KCNQ1: variants seen among roughly 807,000 people sequenced by gnomAD.
KCNQ1 encodes the protein potassium voltage-gated channel subfamily Q member 1.
A neutral mutation model predicts 72.4 loss-of-function variants in KCNQ1; 49 were observed. The ratio of observed to expected loss-of-function variants is 0.68; its 90% CI spans 0.54 to 0.86. KCNQ1 has a LOEUF of 0.86. Among genes scored for constraint, KCNQ1 ranks in the 40% least tolerant of loss-of-function variants. KCNQ1 has a pLI of 0.00. For missense variants in KCNQ1, 790 were observed against 945.1 expected (o/e 0.84, Z 2.15); for synonymous variants, 450 against 412.6 (o/e 1.09, Z -1.10).
chr11:2,751,672 C>T (rs552426789), intron 11 of KCNQ1, among the ~76,000 whole-genome samples: 38 of 152,374 alleles, frequency 2.5e-4, no homozygotes, highest in African/African-American at 8.4e-4. Context: ...GGGAAGCCCT[C>T]GGTGAGCGTA....
rs1465150049 is a variant in KCNQ1 at position 2,784,020 on chromosome 11, T to G, written c.1794+5983T>G. Among the ~76,000 whole-genome samples, 4 of 152,052 alleles carry G rather than the reference T, an allele frequency of 2.6e-5. No homozygotes were observed. Among genetic ancestry groups the G allele is most frequent in the Admixed American group, 2.0e-4 (3 of 15,286 alleles). On this transcript the variant is annotated intron_variant, in intron 15 of 15. Transcript: ENST00000155840. The surrounding 1 kb of genome is among the most constrained non-coding windows in gnomAD (Gnocchi z 4.7). Reference sequence around the variant, plus strand: ...TTAATGAAGTCCAATTTGTCTTTTCTTATATGGCTCAGGCTTTTGATGTTT... The same window carrying G: ...TTAATGAAGTCCAATTTGTCTTTTCGTATATGGCTCAGGCTTTTGATGTTT...
At chr11:2,733,814 A>ACACACACACACACACACTACACT in intron 11 of KCNQ1, among the ~76,000 whole-genome samples, 1 of 86,614 alleles carries the variant, frequency 1.2e-5, no homozygotes, top group East Asian at 3.2e-4. Context: ...ACACACACAC[A>ACACACACACACACACACTACACT]CTCTCTCACT....
chr11:2,754,388 G>A (rs555636332), intron 11 of KCNQ1, among the ~76,000 whole-genome samples: 5 of 152,336 alleles, frequency 3.3e-5, no homozygotes, highest in Admixed American at 6.5e-5. Context: ...TTAACATGAT[G>A]AGTCTAAAAT....
intron 15 of KCNQ1, among the ~76,000 whole-genome samples, chr11:2,834,622 C>T (rs1004009897): frequency 6.6e-6 from 1 of 152,170 alleles, no homozygotes; most frequent in African/African-American, 2.4e-5. Context: ...CAGGGAGGCG[C>T]TTGATGTCGG....
At position 2,562,280 on chromosome 11, in the gene KCNQ1, C is replaced by G. The variant is rs1232576191; in HGVS notation, c.478-8348C>G. On this transcript the variant is annotated intron_variant, in intron 2 of 15. Coordinates refer to ENST00000155840, the MANE Select transcript of KCNQ1 (RefSeq NM_000218.3). The surrounding 1 kb of genome is among the most constrained non-coding windows in gnomAD (Gnocchi z 7.5). ...CTGTGCCCAGCACGTCACTGGGGGC[C>G]CACAAGCTCTCAGCACAGGCTGGCG... Among the ~76,000 whole-genome samples, 2 of 152,128 alleles carry G rather than the reference C, an allele frequency of 1.3e-5. No homozygotes were observed. Among genetic ancestry groups the G allele is most frequent in the Admixed American group, 6.5e-5 (1 of 15,288 alleles).
In KCNQ1 at chr11:2,601,934, A is replaced by G. The variant is rs573729049; in HGVS notation, c.1393+13080A>G. Among the ~76,000 whole-genome samples, 18 of 152,296 alleles carry G rather than the reference A, an allele frequency of 1.2e-4. No individual in the cohort carries two copies. The South Asian group carries it at 1.7e-3, about 14-fold the overall frequency. On this transcript the variant is annotated intron_variant, in intron 10 of 15. Transcript: ENST00000155840. The surrounding 1 kb of genome is among the most constrained non-coding windows in gnomAD (Gnocchi z 5.2). ...CTAGAACCTGTGACTATCGCCTTCTATGGCAAAGGGCACTCTGCAGATGTG... is the reference window on the plus strand; with the variant it reads ...CTAGAACCTGTGACTATCGCCTTCTGTGGCAAAGGGCACTCTGCAGATGTG...
intron 2 of KCNQ1, 94 bp from the exon 3 acceptor site, chr11:2,570,534 G>A: frequency 1.3e-6 from 2 of 1,553,860 alleles, no homozygotes; most frequent in Admixed American, 1.7e-5. Flanking sequence ...CTTCAGCGGA[G>A]GCTCCAGCAT....
chr11:2,805,550 C>G (rs1181855266), intron 15 of KCNQ1, among the ~76,000 whole-genome samples: 3 of 152,182 alleles, frequency 2.0e-5, no homozygotes, highest in Admixed American at 6.5e-5. Context: ...TTTAATAGCA[C>G]ATAGCCACGC....
chr11:2,586,620 G>A (rs12808620), intron 8 of KCNQ1, among the ~76,000 whole-genome samples: 14,964 of 152,224 alleles, frequency 0.098, 820 homozygotes, highest in Middle Eastern at 0.16. Flanking sequence ...GGTTTGCCAG[G>A]GTTGGGGGAC....
Position 2,691,476 on chromosome 11 carries a change from T to C in KCNQ1, c.1514+29395T>C, listed in dbSNP as rs891236630. 1.0e-5 allele frequency: 4 copies of C among 398,400 alleles called. No individual in the cohort carries two copies. The Admixed American group carries it at 1.3e-4, about 13-fold the overall frequency. The allele number at this position is 398,400 out of a possible 1,614,324, so 24.7% of individuals were successfully genotyped here. On this transcript the variant is annotated intron_variant, in intron 11 of 15. Coordinates refer to ENST00000155840, the MANE Select transcript of KCNQ1 (RefSeq NM_000218.3). This position sits in a 1 kb window ranked among gnomAD's most constrained non-coding sequence, Gnocchi z 6.4. ...CTGATGTTGACAGCCTCTTTGTTTT[T>C]TCATCTCAGCCTATTCAAGGCCATT...
At chr11:2,610,414 G>A (rs1008577559) in intron 10 of KCNQ1, 1 of 398,082 alleles carries the variant, frequency 2.5e-6, no homozygotes, top group African/African-American at 2.1e-5. Context: ...TCTAGTTTCT[G>A]TTTTATTAAC....
At chr11:2,503,545 TG>T (rs938705277) in intron 1 of KCNQ1, among the ~76,000 whole-genome samples, 4 of 8,158 alleles carry the variant, frequency 4.9e-4, no homozygotes. Context: ...GTTGTGGGGT[TG>T]GGGGGAGGGG....
Position 2,682,256 on chromosome 11 carries a change from A to C in KCNQ1, c.1514+20175A>C. 2.5e-6 allele frequency: 1 copy of C among 398,544 alleles called. No individual in the cohort carries two copies. 24.7% of individuals were successfully genotyped at this position (398,544 alleles called of 1,614,324 possible). A position where few individuals can be genotyped will look rare whatever the true frequency, so the allele number is the denominator to read the frequency against. On this transcript the variant is annotated intron_variant, in intron 11 of 15. Transcript: ENST00000155840. The surrounding 1 kb of genome is among the most constrained non-coding windows in gnomAD (Gnocchi z 5.8). ...GAAATGTCCCTTCCTCAGAGGAGCC[A>C]ATTTCTAAAGCTTAAGACTGGGCTG...
rs112860834 is a variant in KCNQ1 at position 2,777,866 on chromosome 11, T to C, written c.1733-110T>C. ...AAATGTCCTAGTAGGTTTAGGCATT[T>C]TGACTCTCAGCTACCTCCCCCAGCC... On this transcript the variant is annotated intron_variant, in intron 14 of 15. Coordinates refer to ENST00000155840, the MANE Select transcript of KCNQ1 (RefSeq NM_000218.3). 446 of 888,296 alleles carry C rather than the reference T, an allele frequency of 5.0e-4. 3 individuals are homozygous for C. In the African/African-American group the frequency reaches 6.7e-3, roughly 13 times the overall value. 55.0% of individuals were successfully genotyped at this position (888,296 alleles called of 1,614,324 possible). A position where few individuals can be genotyped will look rare whatever the true frequency, so the allele number is the denominator to read the frequency against.
chr11:2,775,421 T>C (rs1358084891), intron 12 of KCNQ1, among the ~76,000 whole-genome samples: 2 of 152,228 alleles, frequency 1.3e-5, no homozygotes. Context: ...AAGGCCGTCA[T>C]CTGGGGCCAC....
chr11:2,551,169 C>T (rs1333713973), intron 2 of KCNQ1, among the ~76,000 whole-genome samples: 1 of 152,188 alleles, frequency 6.6e-6, no homozygotes, highest in Non-Finnish European at 1.5e-5. Flanking sequence ...ATGTCCAGTT[C>T]GATGAGTCCT....
At position 2,674,206 on chromosome 11, in the gene KCNQ1, G is replaced by A; in HGVS notation, c.1514+12125G>A. 1 of 398,684 alleles carries A rather than the reference G, an allele frequency of 2.5e-6. No individual in the cohort carries two copies. The highest frequency in any genetic ancestry group is 4.4e-6 in the Non-Finnish European group (1 of 226,136). The allele number at this position is 398,684 out of a possible 1,614,324, so 24.7% of individuals were successfully genotyped here. A position where few individuals can be genotyped will look rare whatever the true frequency, so the allele number is the denominator to read the frequency against. ...GCTGGGGAGAGCACAGCCAGTTGTG[G>A]GTTTTTCTTGGGGCCCAGATAGATG... On this transcript the variant is annotated intron_variant, in intron 11 of 15. Coordinates refer to ENST00000155840, the MANE Select transcript of KCNQ1 (RefSeq NM_000218.3). This position sits in a 1 kb window ranked among gnomAD's most constrained non-coding sequence, Gnocchi z 5.9.
chr11:2,648,937 ATTTATAAT>A (rs1849709430), intron 10 of KCNQ1: 1 of 379,836 alleles, frequency 2.6e-6, no homozygotes, highest in Non-Finnish European at 4.5e-6. Flanking sequence ...GAATTGATCC[ATTTATAAT>A]TATATAATGA....
Position 2,848,077 on chromosome 11 carries a change from A to G in KCNQ1, c.*74A>G. 7.9e-7 allele frequency: 1 copy of G among 1,261,730 alleles called. No individual in the cohort carries two copies. The highest frequency in any genetic ancestry group is 1.1e-6 in the Non-Finnish European group (1 of 895,378). 78.2% of individuals were successfully genotyped at this position (1,261,730 alleles called of 1,614,324 possible). A position where few individuals can be genotyped will look rare whatever the true frequency, so the allele number is the denominator to read the frequency against. ...AGTGGCCCCACCTGGCCCTCTCTGA[A>G]GGAGGCCACCTCCTAAAAGGCCCAG... is the stretch of plus-strand genomic sequence containing the variant. On this transcript the variant is annotated 3_prime_UTR_variant, in exon 16 of 16. Transcript: ENST00000155840.
Sources: gnomAD v4.1 joint callset for allele counts (sites outside exome capture counted in the v4.1 genomes callset) on GRCh38, gnomAD v4.1.1 for gene constraint, Gnocchi (gnomAD v3.1) non-coding constraint, MANE v1.5 for transcripts, NCBI Gene and HGNC (gene_info 2026-07-23, HGNC 2026-07-21) for gene names.